HS3ST4: variants seen among roughly 807,000 people sequenced by gnomAD.
HS3ST4 encodes the protein heparan sulfate glucosamine 3-O-sulfotransferase 4.
Under a neutral mutation model 29.2 loss-of-function variants are expected in HS3ST4, and 17 were observed. The observed-to-expected ratio is 0.58, with a 90% CI of 0.40 to 0.87. The LOEUF (loss-of-function observed/expected upper bound fraction) is 0.87, where lower values mean the gene tolerates loss of function less well. HS3ST4 is among the 40% of genes least tolerant of loss of function. The probability of loss-of-function intolerance (pLI) is 0.00; values close to 1 mark genes in which losing one functional copy is unlikely to be tolerated. For missense variants in HS3ST4, 627 were observed against 634.5 expected (o/e 0.99, Z 0.13); for synonymous variants, 314 against 285.7 (o/e 1.10, Z -1.00).
rs555403745 is a variant in HS3ST4, at chr16:26,049,248, G to T, written c.735-86364G>T. 3.9e-5 allele frequency among the ~76,000 whole-genome samples: 6 copies of T among 152,124 alleles called. No individual in the cohort carries two copies. In the East Asian group the frequency reaches 1.2e-3, roughly 29 times the overall value. On this transcript the variant is annotated intron_variant, in intron 1 of 1. Transcript: ENST00000331351. ...ATGACACATATTAGGAAGGCGGAAT[G>T]AAAAGCTAGAAGGCTGGGAAGTGCT...
At chr16:25,856,946 C>T (rs1286347035) in intron 1 of HS3ST4, among the ~76,000 whole-genome samples, 1 of 152,116 alleles carries the variant, frequency 6.6e-6, no homozygotes, top group Admixed American at 6.6e-5. Flanking sequence ...GTTGGGTGGG[C>T]AGGAATGTGG....
At chr16:26,119,210 C>G (rs1017659287) in intron 1 of HS3ST4, among the ~76,000 whole-genome samples, 2 of 152,216 alleles carry the variant, frequency 1.3e-5, no homozygotes, top group African/African-American at 4.8e-5. Flanking sequence ...CTACCTCCCT[C>G]TCAGCTAGCA....
intron 1 of HS3ST4, among the ~76,000 whole-genome samples, chr16:25,766,629 G>T (rs532172265): frequency 2.0e-5 from 3 of 152,236 alleles, no homozygotes; most frequent in African/African-American, 7.2e-5. Flanking sequence ...AATATTTATT[G>T]AATGTCTGTT....
chr16:25,754,783 A>G (rs1054610906), intron 1 of HS3ST4, among the ~76,000 whole-genome samples: 1 of 151,914 alleles, frequency 6.6e-6, no homozygotes, highest in Admixed American at 6.6e-5. Flanking sequence ...CTCCCACAAC[A>G]CATGGGGATT....
At chr16:25,994,289 C>T (rs1430277835) in intron 1 of HS3ST4, among the ~76,000 whole-genome samples, 1 of 152,060 alleles carries the variant, frequency 6.6e-6, no homozygotes, top group East Asian at 1.9e-4. Context: ...ATTTGCTTCT[C>T]ACACTTTTAT....
At chr16:26,000,635 G>A (rs1034622934) in intron 1 of HS3ST4, among the ~76,000 whole-genome samples, 33 of 152,164 alleles carry the variant, frequency 2.2e-4, no homozygotes, top group Non-Finnish European at 1.3e-4. Flanking sequence ...CATAGGAATG[G>A]TTATTGGACA....
chr16:25,940,478 A>G (rs2141691942), intron 1 of HS3ST4, among the ~76,000 whole-genome samples: 1 of 152,282 alleles, frequency 6.6e-6, no homozygotes, highest in African/African-American at 2.4e-5. Context: ...CATGGTTCAG[A>G]AGGGATTTAC....
intron 1 of HS3ST4, among the ~76,000 whole-genome samples, chr16:26,019,096 C>T (rs117129581): frequency 9.9e-4 from 151 of 152,152 alleles, no homozygotes; most frequent in Admixed American, 1.6e-3. Context: ...ATCATATTCC[C>T]GTCCTGCAAG....
chr16:25,974,768 G>A (rs535006425), intron 1 of HS3ST4, among the ~76,000 whole-genome samples: 17 of 151,976 alleles, frequency 1.1e-4, no homozygotes, highest in South Asian at 8.3e-4. Context: ...TTATAAGAAC[G>A]CATATTTAGA....
At chr16:25,732,611 C>CA (rs201457382) in intron 1 of HS3ST4, among the ~76,000 whole-genome samples, 42 of 151,378 alleles carry the variant, frequency 2.8e-4, no homozygotes, top group Admixed American at 6.6e-4. Context: ...AAAGGAGTAT[C>CA]AAAAAAAAGG....
chr16:26,120,805 A>G (rs76169082), intron 1 of HS3ST4, among the ~76,000 whole-genome samples: 2,850 of 152,340 alleles, frequency 0.019, 86 homozygotes, highest in African/African-American at 0.066. Context: ...AAACACATAC[A>G]AATTATTTAC....
At chr16:26,067,550 C>T (rs1334698503) in intron 1 of HS3ST4, among the ~76,000 whole-genome samples, 2 of 148,670 alleles carry the variant, frequency 1.3e-5, no homozygotes, top group Admixed American at 1.3e-4. Context: ...TCTGTTTTCT[C>T]TTTTGTAACT....
intron 1 of HS3ST4, among the ~76,000 whole-genome samples, chr16:26,092,213 C>T (rs891154030): frequency 2.0e-5 from 3 of 152,048 alleles, no homozygotes; most frequent in Non-Finnish European, 1.5e-5. Flanking sequence ...ACCCAGCCCA[C>T]GTCTACACTT....
intron 1 of HS3ST4, among the ~76,000 whole-genome samples, chr16:25,938,915 C>G (rs183608320): frequency 1.3e-5 from 2 of 152,212 alleles, no homozygotes; most frequent in South Asian, 4.1e-4. Context: ...CTTATACCCC[C>G]TTTCTCCTGC....
intron 1 of HS3ST4, among the ~76,000 whole-genome samples, chr16:26,095,101 C>T (rs1898906848): frequency 6.6e-6 from 1 of 152,120 alleles, no homozygotes; most frequent in African/African-American, 2.4e-5. Context: ...TACAGGAGTG[C>T]CCAGATTCAT....
intron 1 of HS3ST4, among the ~76,000 whole-genome samples, chr16:25,697,041 T>A (rs28488987): frequency 9.4e-4 from 143 of 152,324 alleles, no homozygotes; most frequent in African/African-American, 3.2e-3. Context: ...AAAGGGCTGA[T>A]TTCTTCCCTT....
chr16:25,920,691 C>G (rs1968341910), intron 1 of HS3ST4, among the ~76,000 whole-genome samples: 2 of 150,528 alleles, frequency 1.3e-5, no homozygotes, highest in African/African-American at 4.9e-5. Flanking sequence ...CAGCCTCGAG[C>G]TTCTAAGCTC....
chr16:25,846,277 A>G (rs1024316877), intron 1 of HS3ST4, among the ~76,000 whole-genome samples: 31 of 152,250 alleles, frequency 2.0e-4, no homozygotes, highest in Non-Finnish European at 4.0e-4. Flanking sequence ...GAGTTGACTA[A>G]CCAGCAGTTC....
chr16:26,032,913 C>T (rs1805895381), intron 1 of HS3ST4: 2 of 900,562 alleles, frequency 2.2e-6, no homozygotes, highest in South Asian at 1.4e-5. Flanking sequence ...CTTCTTCACA[C>T]TGCTCCGGAG....
Sources: allele counts gnomAD v4.1 joint callset (sites outside exome capture counted in the v4.1 genomes callset), GRCh38; gene constraint gnomAD v4.1.1; transcripts MANE v1.5; gene names NCBI Gene and HGNC (gene_info 2026-07-23, HGNC 2026-07-21).